IL1RAPL2: variants seen among roughly 807,000 people sequenced by gnomAD.
IL1RAPL2 encodes X-linked interleukin-1 receptor accessory protein-like 2.
IL1RAPL2 carries 3 observed loss-of-function variants against 44.1 expected under a neutral mutation model. The ratio of observed to expected loss-of-function variants is 0.07; its 90% CI spans 0.03 to 0.18. The LOEUF is 0.18. Ranked by LOEUF, IL1RAPL2 falls within the 10% of genes least tolerant of loss-of-function variation. IL1RAPL2 has a pLI of 1.00. For missense variants in IL1RAPL2, 391 were observed against 496.4 expected, an observed-to-expected ratio of 0.79 and a Z score of 2.02; for synonymous variants, 181 against 178.8, an observed-to-expected ratio of 1.01 and a Z score of -0.10.
chrX:104,681,929 C>T (rs1930896982), intron 2 of IL1RAPL2, among the ~76,000 whole-genome samples: 4 of 112,715 alleles, frequency 3.5e-5, no homozygotes, highest in Admixed American at 2.8e-4. Flanking sequence ...AATGACCACC[C>T]ATAAATATCT....
At chrX:105,645,830 C>T (rs980588614) in intron 6 of IL1RAPL2, among the ~76,000 whole-genome samples, 6 of 111,889 alleles carry the variant, frequency 5.4e-5, no homozygotes, top group Admixed American at 9.4e-5. Context: ...ATTATGTCTG[C>T]GGTCGCTGGC....
chrX:105,116,907 A>G (rs971129366), intron 2 of IL1RAPL2, among the ~76,000 whole-genome samples: 6 of 111,777 alleles, frequency 5.4e-5, no homozygotes, highest in African/African-American at 2.0e-4. Context: ...TTTCAGTTTC[A>G]CCTAGGTTCA....
chrX:104,635,298 G>C lies in IL1RAPL2; in HGVS notation c.-19-23597G>C, dbSNP rs758998476. ...ACCTTTTTTCCTTCATTTCAACTTT[G>C]GTGAATCTGACAATTTTGTGTCTTG... On this transcript the variant is annotated intron_variant, in intron 1 of 10. Coordinates refer to ENST00000372582, the MANE Select transcript of IL1RAPL2 (RefSeq NM_017416.2). Among the ~76,000 whole-genome samples the C allele has an allele frequency of 4.5e-5, 5 of 110,444 alleles. No homozygotes were observed. The East Asian group carries it at 1.1e-3, about 25-fold the overall frequency.
At chrX:105,297,377 G>A (rs925385768) in intron 5 of IL1RAPL2, among the ~76,000 whole-genome samples, 4 of 111,806 alleles carry the variant, frequency 3.6e-5, no homozygotes, top group South Asian at 3.8e-4. Context: ...GATTTTAAGC[G>A]GGGTGTTTTA....
chrX:105,318,017 G>C (rs2034860440), intron 5 of IL1RAPL2, among the ~76,000 whole-genome samples: 1 of 106,886 alleles, frequency 9.4e-6, no homozygotes, highest in South Asian at 4.2e-4. Context: ...CTGTCGCCCA[G>C]GCTGGAGTGC....
At chrX:105,362,631 G>T (rs1226054905) in intron 5 of IL1RAPL2, among the ~76,000 whole-genome samples, 2 of 110,525 alleles carry the variant, frequency 1.8e-5, no homozygotes, top group Non-Finnish European at 3.8e-5. Flanking sequence ...CTAAAATATC[G>T]CTTATGCCTT....
At chrX:104,947,162 G>T (rs1348873794) in intron 2 of IL1RAPL2, among the ~76,000 whole-genome samples, 2 of 112,008 alleles carry the variant, frequency 1.8e-5, no homozygotes, top group African/African-American at 6.5e-5. Context: ...TTCTCTGATG[G>T]CCAGTGATGA....
intron 2 of IL1RAPL2, among the ~76,000 whole-genome samples, chrX:104,917,475 G>A (rs1924489725): frequency 9.0e-6 from 1 of 111,667 alleles, no homozygotes; most frequent in Admixed American, 9.5e-5. Context: ...TTTATCCACA[G>A]ATTTGATTTA....
At chrX:104,585,005 TAA>T (rs1928478203) in intron 1 of IL1RAPL2, among the ~76,000 whole-genome samples, 1 of 103,938 alleles carries the variant, frequency 9.6e-6, no homozygotes, top group Non-Finnish European at 1.9e-5. Context: ...CAGGAGTGAA[TAA>T]AGAAACATTC....
At chrX:105,127,100 A>C (rs181754422) in intron 2 of IL1RAPL2, among the ~76,000 whole-genome samples, 1 of 111,417 alleles carries the variant, frequency 9.0e-6, no homozygotes, top group Admixed American at 9.5e-5. Context: ...CAGTTTTTAC[A>C]TGTGTGCTAT....
At chrX:105,551,306 A>C (rs1033366585) in intron 6 of IL1RAPL2, among the ~76,000 whole-genome samples, 3 of 109,910 alleles carry the variant, frequency 2.7e-5, no homozygotes, top group African/African-American at 9.9e-5. Context: ...AAAAAACAAC[A>C]ACAACAAAAA....
rs769492019 is a variant in IL1RAPL2, at chrX:105,408,156, A to T, written c.698-76157A>T. On this transcript the variant is annotated intron_variant, in intron 5 of 10. Coordinates refer to ENST00000372582, the MANE Select transcript of IL1RAPL2 (RefSeq NM_017416.2). The stretch of plus-strand genomic sequence containing the variant: ...CATTTTATTATAGCCACCAAAAAAC[A>T]GATGTAAAGTAAAAATAAAGGCATT... Among the ~76,000 whole-genome samples, 5 of 112,488 alleles carry T rather than the reference A, an allele frequency of 4.4e-5. No individual in the cohort carries two copies. In the South Asian group the frequency reaches 1.1e-3, roughly 25 times the overall value.
intron 4 of IL1RAPL2, among the ~76,000 whole-genome samples, chrX:105,251,168 T>A (rs980489365): frequency 2.7e-5 from 3 of 110,755 alleles, no homozygotes; most frequent in African/African-American, 9.8e-5. Flanking sequence ...ATAAGTTAAG[T>A]TTTTAAAGAA....
chrX:105,026,741 T>C (rs1219449508), intron 2 of IL1RAPL2, among the ~76,000 whole-genome samples: 1 of 110,910 alleles, frequency 9.0e-6, no homozygotes, highest in Non-Finnish European at 1.9e-5. Flanking sequence ...GAAGAATCAA[T>C]ATTGTTAAAA....
chrX:104,770,633 C>A (rs1227651710), intron 2 of IL1RAPL2, among the ~76,000 whole-genome samples: 2 of 112,095 alleles, frequency 1.8e-5, no homozygotes, highest in Non-Finnish European at 3.8e-5. Context: ...TAGTAAGTGT[C>A]AGAGCCATGA....
chrX:104,971,915 T>C (rs1213564122), intron 2 of IL1RAPL2, among the ~76,000 whole-genome samples: 2 of 111,704 alleles, frequency 1.8e-5, no homozygotes, highest in Admixed American at 9.5e-5. Context: ...AAGAGAAAGC[T>C]ACTTCTAAAA....
At chrX:104,874,421 G>A (rs1434004279) in intron 2 of IL1RAPL2, among the ~76,000 whole-genome samples, 3 of 108,547 alleles carry the variant, frequency 2.8e-5, no homozygotes, top group Non-Finnish European at 5.7e-5. Context: ...ACCTTGCTAT[G>A]AATGGCAGAA....
intron 6 of IL1RAPL2, among the ~76,000 whole-genome samples, chrX:105,682,582 G>A (rs1376313818): frequency 9.0e-6 from 1 of 111,716 alleles, no homozygotes; most frequent in Non-Finnish European, 1.9e-5. Context: ...TGGACAGCAA[G>A]GGCTTTGACA....
At chrX:105,391,532 T>G (rs1310213760) in intron 5 of IL1RAPL2, among the ~76,000 whole-genome samples, 1 of 95,068 alleles carries the variant, frequency 1.1e-5, no homozygotes, top group Non-Finnish European at 2.1e-5. Flanking sequence ...TAGGAACACT[T>G]TTACACTGTT....
Sources: gnomAD v4.1 joint callset for allele counts (sites outside exome capture counted in the v4.1 genomes callset) on GRCh38, gnomAD v4.1.1 for gene constraint, MANE v1.5 for transcripts, NCBI Gene and HGNC (gene_info 2026-07-23, HGNC 2026-07-21) for gene names.